FGGY: variants seen among roughly 807,000 people sequenced by gnomAD.
FGGY encodes the protein FGGY carbohydrate kinase domain containing, also known as FGGY carbohydrate kinase domain-containing protein.
FGGY carries 72 observed loss-of-function variants against 71.3 expected under a neutral mutation model. That is an observed-to-expected ratio of 1.01 (90% confidence interval 0.84 to 1.23). The LOEUF is 1.23. Among genes scored for constraint, FGGY ranks in the 50% most tolerant of loss-of-function variants. The pLI, the probability that FGGY is intolerant of heterozygous loss-of-function variation, is 0.00. For missense variants in FGGY, 668 were observed against 682.3 expected, an observed-to-expected ratio of 0.98 and a Z score of 0.23; for synonymous variants, 251 against 250.3, an observed-to-expected ratio of 1.00 and a Z score of -0.02.
intron 14 of FGGY, among the ~76,000 whole-genome samples, chr1:59,721,070 G>A (rs953335315): frequency 6.6e-6 from 1 of 152,054 alleles, no homozygotes; most frequent in Non-Finnish European, 1.5e-5. Context: ...CTGCTCAAAT[G>A]TCATTTTATC....
chr1:59,637,412 C>T (rs1004553822), intron 10 of FGGY, among the ~76,000 whole-genome samples: 4 of 152,114 alleles, frequency 2.6e-5, no homozygotes, highest in Admixed American at 2.0e-4. Context: ...ATGTGTGGAT[C>T]ACCTGAGGTC....
chr1:59,348,899 G>A lies in FGGY; in HGVS notation c.465+2501G>A, dbSNP rs115841606. 7.2e-3 allele frequency among the ~76,000 whole-genome samples: 1,091 copies of A among 152,244 alleles called. 19 individuals are homozygous for A. The highest frequency in any genetic ancestry group is 0.025 in the African/African-American group (1,031 of 41,550). On this transcript the variant is annotated intron_variant, in intron 4 of 15. Coordinates refer to ENST00000303721, the MANE Select transcript of FGGY (RefSeq NM_018291.5). ...AATTCTGACTCTACTGTCAACAATT[G>A]TATGCTTTGGTCAAAGCACTTCTTA... is the stretch of plus-strand genomic sequence containing the variant.
intron 9 of FGGY, among the ~76,000 whole-genome samples, chr1:59,611,670 A>G (rs976682557): frequency 6.6e-6 from 1 of 152,230 alleles, no homozygotes; most frequent in African/African-American, 2.4e-5. Context: ...ACGAGTTGAG[A>G]GAAGAAGGCT....
At chr1:59,401,401 G>A (rs957148983) in intron 5 of FGGY, among the ~76,000 whole-genome samples, 4 of 152,176 alleles carry the variant, frequency 2.6e-5, no homozygotes, top group Non-Finnish European at 5.9e-5. Context: ...GTCTTGATAT[G>A]ATGGAGACCC....
At chr1:59,481,711 G>A (rs759366072) in intron 6 of FGGY, among the ~76,000 whole-genome samples, 10 of 151,980 alleles carry the variant, frequency 6.6e-5, no homozygotes, top group Admixed American at 2.6e-4. Flanking sequence ...GAGACATACC[G>A]TTGTACAATG....
chr1:59,320,652 A>C (rs1248768920), intron 1 of FGGY, among the ~76,000 whole-genome samples: 1 of 152,222 alleles, frequency 6.6e-6, no homozygotes, highest in Non-Finnish European at 1.5e-5. Context: ...AGGAAAACAG[A>C]TTGTCTAACT....
intron 1 of FGGY, among the ~76,000 whole-genome samples, chr1:59,297,728 CAGG>C (rs571452297): frequency 0.021 from 3,181 of 151,648 alleles, 62 homozygotes; most frequent in Non-Finnish European, 0.033. Context: ...GAGGCTGAGG[CAGG>C]AGAATAGCGT....
At chr1:59,760,613 C>G (rs2098333244) in intron 15 of FGGY, among the ~76,000 whole-genome samples, 1 of 152,124 alleles carries the variant, frequency 6.6e-6, no homozygotes, top group Non-Finnish European at 1.5e-5. Flanking sequence ...ATTATTCAGC[C>G]TTAGAAAGAA....
intron 5 of FGGY, among the ~76,000 whole-genome samples, chr1:59,413,118 C>G (rs1270837990): frequency 6.6e-6 from 1 of 152,200 alleles, no homozygotes; most frequent in Non-Finnish European, 1.5e-5. Context: ...ATCCTTAGCT[C>G]AGATCTCATC....
At chr1:59,489,148 C>G (rs1021933310) in intron 6 of FGGY, among the ~76,000 whole-genome samples, 2 of 152,054 alleles carry the variant, frequency 1.3e-5, no homozygotes, top group African/African-American at 2.4e-5. Flanking sequence ...AGTGATGTCA[C>G]AGTACATATA....
At position 59,745,237 on chromosome 1, in the gene FGGY, C is replaced by T. The variant is rs1218612931; in HGVS notation, c.1513-12694C>T. On this transcript the variant is annotated intron_variant, in intron 14 of 15. Transcript: ENST00000303721. ...CAAAGTCTAGGCCAGAATATCTAGG[C>T]CCCACTACCAAAATGGCTCTCGCTT... Among the ~76,000 whole-genome samples, 3 of 152,280 alleles carry T rather than the reference C, an allele frequency of 2.0e-5. No individual in the cohort carries two copies. In the East Asian group the frequency reaches 5.8e-4, roughly 29 times the overall value.
chr1:59,664,766 G>A (rs770401296), intron 12 of FGGY, among the ~76,000 whole-genome samples: 2 of 152,216 alleles, frequency 1.3e-5, no homozygotes, highest in African/African-American at 2.4e-5. Context: ...CCTTTCGTGA[G>A]CTGGACACTT....
rs542649966 is a variant in FGGY at position 59,486,216 on chromosome 1, C to T, written c.671-26095C>T. Among the ~76,000 whole-genome samples, 102 of 152,258 alleles carry T rather than the reference C, an allele frequency of 6.7e-4. 1 individual carries two copies. Among genetic ancestry groups the T allele is most frequent in the African/African-American group, 2.4e-3 (101 of 41,558 alleles). Reference sequence around the variant, plus strand: ...CATGCGTTGGTCAAGGAGACAAGGCCTGAACACTTAAGAAGAGCCAAGGAA... The same window carrying T: ...CATGCGTTGGTCAAGGAGACAAGGCTTGAACACTTAAGAAGAGCCAAGGAA... On this transcript the variant is annotated intron_variant, in intron 6 of 15. Coordinates refer to ENST00000303721, the MANE Select transcript of FGGY (RefSeq NM_018291.5).
At chr1:59,642,508 C>T (rs895815853) in intron 11 of FGGY, among the ~76,000 whole-genome samples, 5 of 151,698 alleles carry the variant, frequency 3.3e-5, no homozygotes, top group African/African-American at 1.2e-4. Context: ...GCCTGTAATC[C>T]CAGCTACTCA....
chr1:59,583,555 T>G (rs2096231359), intron 8 of FGGY, among the ~76,000 whole-genome samples: 1 of 142,534 alleles, frequency 7.0e-6, no homozygotes, highest in Admixed American at 6.9e-5. Context: ...AAAACCTTGG[T>G]TGTTTAGACA....
intron 14 of FGGY, among the ~76,000 whole-genome samples, chr1:59,751,298 G>T (rs1574023235): frequency 6.6e-6 from 1 of 152,114 alleles, no homozygotes; most frequent in Non-Finnish European, 1.5e-5. Context: ...AGAGTACAAA[G>T]CTTAAACCAG....
In FGGY at chr1:59,627,132, AC is replaced by A. The variant is rs1352972852; in HGVS notation, c.1073+1085del. On this transcript the variant is annotated intron_variant, in intron 10 of 15. Coordinates refer to ENST00000303721, the MANE Select transcript of FGGY (RefSeq NM_018291.5). ...ATGAAATGCACACAGTAAAAACTGA[AC>A]CTACTGTATTACAAAGGGGGTTGGG... Among the ~76,000 whole-genome samples, 3 of 152,096 alleles carry A rather than the reference AC, an allele frequency of 2.0e-5. No individual in the cohort carries two copies. The East Asian group carries it at 5.8e-4, about 29-fold the overall frequency.
chr1:59,595,034 A>C (rs1213669165), intron 8 of FGGY, among the ~76,000 whole-genome samples: 2 of 152,186 alleles, frequency 1.3e-5, no homozygotes, highest in Non-Finnish European at 2.9e-5. Flanking sequence ...CCCTGCATTC[A>C]TTGAGTTTCC....
intron 5 of FGGY, among the ~76,000 whole-genome samples, chr1:59,413,636 T>G (rs1260564005): frequency 6.6e-6 from 1 of 152,012 alleles, no homozygotes; most frequent in Non-Finnish European, 1.5e-5. Context: ...AGAAATTCAT[T>G]TAGGTACCAA....
Sources: gnomAD v4.1 joint callset for allele counts (sites outside exome capture counted in the v4.1 genomes callset) on GRCh38, gnomAD v4.1.1 for gene constraint, MANE v1.5 for transcripts, NCBI Gene and HGNC (gene_info 2026-07-23, HGNC 2026-07-21) for gene names.